Variants in ROBO1 observed in about 807,000 individuals in gnomAD.
The protein encoded by ROBO1 is roundabout homolog 1.
In ROBO1, 149 loss-of-function variants were observed where a neutral mutation model predicts 195.9. The observed-to-expected ratio is 0.76, with a 90% CI of 0.67 to 0.87. The LOEUF (loss-of-function observed/expected upper bound fraction) is 0.87. Among genes scored for constraint, ROBO1 ranks in the 40% least tolerant of loss-of-function variants. The pLI, the probability that ROBO1 is intolerant of heterozygous loss-of-function variation, is 0.00. For synonymous variants in ROBO1, 816 were observed against 733.2 expected (o/e 1.11, Z -1.82); for missense variants, 1,933 against 2,068.3 (o/e 0.93, Z 1.27).
intron 1 of ROBO1, among the ~76,000 whole-genome samples, chr3:79,721,216 G>A (rs544179845): frequency 6.6e-6 from 1 of 152,242 alleles, no homozygotes; most frequent in South Asian, 2.1e-4. Flanking sequence ...AAGAACCCCT[G>A]TGCCAAATCA....
chr3:79,432,671 TTGTATTAA>T (rs2038724213), intron 2 of ROBO1, among the ~76,000 whole-genome samples: 1 of 152,102 alleles, frequency 6.6e-6, no homozygotes, highest in Admixed American at 6.6e-5. Flanking sequence ...GCAAGAGAAC[TTGTATTAA>T]TGTCTGCCCC....
intron 3 of ROBO1, among the ~76,000 whole-genome samples, chr3:79,007,240 T>G (rs1222459221): frequency 1.3e-5 from 2 of 152,200 alleles, no homozygotes; most frequent in Non-Finnish European, 2.9e-5. Context: ...CTTTGGAGGA[T>G]AAAACCAAGG....
At chr3:79,455,166 G>T (rs894121308) in intron 2 of ROBO1, among the ~76,000 whole-genome samples, 1 of 151,778 alleles carries the variant, frequency 6.6e-6, no homozygotes, top group African/African-American at 2.4e-5. Flanking sequence ...GAAGACTCTT[G>T]TAACAGAAAG....
At chr3:79,450,124 G>GAAA (rs570199810) in intron 2 of ROBO1, among the ~76,000 whole-genome samples, 3 of 101,540 alleles carry the variant, frequency 3.0e-5, no homozygotes, top group African/African-American at 3.4e-5. Flanking sequence ...GAAAAAAAAT[G>GAAA]AAAAAAAAAA....
intron 3 of ROBO1, among the ~76,000 whole-genome samples, chr3:79,099,325 A>G (rs554568147): frequency 1.4e-4 from 22 of 151,948 alleles, no homozygotes; most frequent in Non-Finnish European, 2.7e-4. Flanking sequence ...CCAGAGGTGC[A>G]AACAGTCTAG....
intron 2 of ROBO1, among the ~76,000 whole-genome samples, chr3:79,349,878 C>T (rs536497424): frequency 6.6e-6 from 1 of 152,206 alleles, no homozygotes; most frequent in East Asian, 1.9e-4. Context: ...ATCTATGTGA[C>T]CTTGGCTTTT....
At chr3:78,753,675 C>T (rs1056459926) in intron 4 of ROBO1, among the ~76,000 whole-genome samples, 5 of 152,144 alleles carry the variant, frequency 3.3e-5, no homozygotes, top group African/African-American at 1.2e-4. Context: ...TAATGCTCTC[C>T]TTCCCCTTGC....
At chr3:79,523,163 A>C (rs1427161713) in intron 2 of ROBO1, among the ~76,000 whole-genome samples, 1 of 47,098 alleles carries the variant, frequency 2.1e-5, no homozygotes, top group Non-Finnish European at 3.4e-5. Context: ...TTCATAAACC[A>C]CACACACACA....
At chr3:79,525,930 A>G (rs1320007915) in intron 2 of ROBO1, among the ~76,000 whole-genome samples, 1 of 152,134 alleles carries the variant, frequency 6.6e-6, no homozygotes, top group Non-Finnish European at 1.5e-5. Context: ...ACACTTATTT[A>G]AGGCTCTAAT....
intron 4 of ROBO1, among the ~76,000 whole-genome samples, chr3:78,865,812 T>C (rs2035141563): frequency 6.6e-6 from 1 of 152,192 alleles, no homozygotes; most frequent in Non-Finnish European, 1.5e-5. Flanking sequence ...CATATTGTCT[T>C]GTATAATACA....
chr3:78,775,317 G>A (rs1437700627), intron 4 of ROBO1, among the ~76,000 whole-genome samples: 2 of 152,246 alleles, frequency 1.3e-5, no homozygotes, highest in East Asian at 1.9e-4. Flanking sequence ...AGGTACAGAC[G>A]TTCATTTCCA....
intron 2 of ROBO1, among the ~76,000 whole-genome samples, chr3:79,585,136 G>A (rs1943788631): frequency 6.7e-6 from 1 of 149,688 alleles, no homozygotes; most frequent in Admixed American, 6.6e-5. Context: ...TATGGAAAAA[G>A]GGGCCCATAA....
chr3:79,541,792 T>G (rs896050455), intron 2 of ROBO1, among the ~76,000 whole-genome samples: 3 of 147,700 alleles, frequency 2.0e-5, no homozygotes, highest in African/African-American at 7.5e-5. Context: ...TATATGTATA[T>G]ACATATATGT....
At chr3:78,974,813 A>C (rs1251602982) in intron 3 of ROBO1, among the ~76,000 whole-genome samples, 1 of 152,178 alleles carries the variant, frequency 6.6e-6, no homozygotes, top group Non-Finnish European at 1.5e-5. Flanking sequence ...ATCATTTGAG[A>C]ATGGATAAAT....
At chr3:79,101,577 C>T (rs1024962111) in intron 3 of ROBO1, among the ~76,000 whole-genome samples, 1 of 151,790 alleles carries the variant, frequency 6.6e-6, no homozygotes, top group Non-Finnish European at 1.5e-5. Context: ...GCTGAAGGCT[C>T]TCATCCTCAC....
At chr3:78,755,710 T>C (rs993929670) in intron 4 of ROBO1, among the ~76,000 whole-genome samples, 2 of 152,146 alleles carry the variant, frequency 1.3e-5, no homozygotes, top group Non-Finnish European at 2.9e-5. Flanking sequence ...TAACTGATCA[T>C]GCCATTTTCA....
chr3:79,175,887 T>C (rs755266097), intron 2 of ROBO1, among the ~76,000 whole-genome samples: 1 of 152,190 alleles, frequency 6.6e-6, no homozygotes, highest in Non-Finnish European at 1.5e-5. Context: ...GTTGTATGAA[T>C]TGTATAACTG....
At chr3:79,051,335 C>T (rs1409885004) in intron 3 of ROBO1, among the ~76,000 whole-genome samples, 1 of 152,140 alleles carries the variant, frequency 6.6e-6, no homozygotes, top group Non-Finnish European at 1.5e-5. Context: ...TGGACACATA[C>T]ATCCTCCCAA....
At chr3:78,853,674 C>A (rs1233588355) in intron 4 of ROBO1, among the ~76,000 whole-genome samples, 1 of 151,946 alleles carries the variant, frequency 6.6e-6, no homozygotes, top group Non-Finnish European at 1.5e-5. Flanking sequence ...CTCATCCAAC[C>A]AGTTGAACGC....
Sources: allele counts gnomAD v4.1 joint callset (sites outside exome capture counted in the v4.1 genomes callset), GRCh38; gene constraint gnomAD v4.1.1; transcripts MANE v1.5; gene names NCBI Gene and HGNC (gene_info 2026-07-23, HGNC 2026-07-21).